ARHGAP32: variants seen among roughly 807,000 people sequenced by gnomAD.
ARHGAP32 encodes the protein rho GTPase-activating protein 32.
ARHGAP32 carries 51 observed loss-of-function variants against 186.5 expected under a neutral mutation model. That is an observed-to-expected ratio of 0.27 (90% CI 0.22 to 0.35). The LOEUF is 0.35. Ranked by LOEUF, ARHGAP32 falls within the 10% of genes least tolerant of loss-of-function variation. The pLI is 1.00. For synonymous variants in ARHGAP32, 950 were observed against 964.3 expected (o/e 0.99, Z 0.27); for missense variants, 2,186 against 2,623.5 (o/e 0.83, Z 3.64).
chr11:129,150,917 G>C (rs905938132), intron 2 of ARHGAP32, among the ~76,000 whole-genome samples: 1 of 147,758 alleles, frequency 6.8e-6, no homozygotes. Context: ...AAAAGACAGA[G>C]AATGGCAGAA....
At chr11:129,212,116 C>T (rs1944588576) in intron 1 of ARHGAP32, among the ~76,000 whole-genome samples, 1 of 152,114 alleles carries the variant, frequency 6.6e-6, no homozygotes, top group Non-Finnish European at 1.5e-5. Context: ...GATCACACCA[C>T]TGCACTCCAG....
chr11:129,257,829 T>C (rs1042772663), intron 1 of ARHGAP32, among the ~76,000 whole-genome samples: 7 of 152,128 alleles, frequency 4.6e-5, no homozygotes, highest in Non-Finnish European at 8.8e-5. Context: ...TTATTTGCTA[T>C]TCATCCAAAT....
chr11:129,130,990 G>A (rs1942794954), intron 2 of ARHGAP32, among the ~76,000 whole-genome samples: 1 of 151,950 alleles, frequency 6.6e-6, no homozygotes, highest in African/African-American at 2.4e-5. Flanking sequence ...TATATGCAAT[G>A]GAATTCTGTG....
At chr11:129,187,049 G>GAGGT (rs139934126) in intron 1 of ARHGAP32, among the ~76,000 whole-genome samples, 2 of 152,292 alleles carry the variant, frequency 1.3e-5, no homozygotes, top group African/African-American at 4.8e-5. Context: ...GTCTACTGAA[G>GAGGT]AGGTATCTGC....
intron 1 of ARHGAP32, 36 bp downstream of exon 1, chr11:129,192,047 T>TG: frequency 6.7e-7 from 1 of 1,482,122 alleles, no homozygotes; most frequent in Non-Finnish European, 9.4e-7. Flanking sequence ...GGGTAGGGAG[T>TG]GGACAGGACA....
chr11:129,108,686 T>C (rs570192651), intron 5 of ARHGAP32, among the ~76,000 whole-genome samples: 2 of 152,338 alleles, frequency 1.3e-5, no homozygotes, highest in South Asian at 2.1e-4. Flanking sequence ...TGAGTTGTAA[T>C]AGTTCTACAT....
rs1328730660 is a variant in ARHGAP32 at position 129,085,959 on chromosome 11, A to C, written c.531+7662T>G. Reference sequence around the variant, plus strand: ...CAGTGAGCTGAGATCATGACACTGCACTCCAGCCTGGGCAACAGAGCAAGA... The same window carrying C: ...CAGTGAGCTGAGATCATGACACTGCCCTCCAGCCTGGGCAACAGAGCAAGA... On this transcript the variant is annotated intron_variant, in intron 6 of 22. Coordinates refer to ENST00000682385, the MANE Select transcript of ARHGAP32 (RefSeq NM_001378024.1). Among the ~76,000 whole-genome samples, 18 of 151,054 alleles carry C rather than the reference A, an allele frequency of 1.2e-4. No homozygotes were observed. The Admixed American group carries it at 1.2e-3, about 10-fold the overall frequency.
At chr11:129,268,761 G>A (rs1945438690) in intron 1 of ARHGAP32, among the ~76,000 whole-genome samples, 1 of 146,620 alleles carries the variant, frequency 6.8e-6, no homozygotes. Flanking sequence ...TGTCTCAATG[G>A]ATTTTTCACC....
At chr11:128,988,749 A>G (rs1945951162) in intron 12 of ARHGAP32, among the ~76,000 whole-genome samples, 2 of 152,206 alleles carry the variant, frequency 1.3e-5, no homozygotes, top group South Asian at 4.1e-4. Flanking sequence ...TGACATTTTG[A>G]CTTTATATTA....
At position 128,968,078 on chromosome 11, in the gene ARHGAP32, A is replaced by G. The variant is rs1041970063; in HGVS notation, c.*829T>C. ...GGCAGGCAATGCATTAAAAGCATCA[A>G]TAGAGATTTCTGGTGCTAATAAAGT... On this transcript the variant is annotated 3_prime_UTR_variant, in exon 23 of 23. Coordinates refer to ENST00000682385, the MANE Select transcript of ARHGAP32 (RefSeq NM_001378024.1). 2 of 152,168 alleles carry G rather than the reference A, an allele frequency of 1.3e-5. No homozygotes were observed. Among genetic ancestry groups the G allele is most frequent in the African/African-American group, 4.8e-5 (2 of 41,524 alleles). 9.4% of individuals were successfully genotyped at this position (152,168 alleles called of 1,614,324 possible).
upstream of ARHGAP32, among the ~76,000 whole-genome samples, chr11:129,194,412 T>C (rs1228229676): frequency 1.3e-5 from 2 of 152,128 alleles, no homozygotes; most frequent in Non-Finnish European, 2.9e-5. Context: ...ACAGTGAGTA[T>C]ATGAGAAAAC....
chr11:129,213,645 A>G (rs1015907639), intron 1 of ARHGAP32, among the ~76,000 whole-genome samples: 1 of 152,174 alleles, frequency 6.6e-6, no homozygotes, highest in Non-Finnish European at 1.5e-5. Flanking sequence ...TAAATAGACA[A>G]AACTGAAAAT....
At chr11:128,999,687 G>T (rs528123712) in intron 11 of ARHGAP32, among the ~76,000 whole-genome samples, 1 of 152,054 alleles carries the variant, frequency 6.6e-6, no homozygotes, top group Non-Finnish European at 1.5e-5. Context: ...TAGACCAGCC[G>T]ACACTTTGGG....
intron 10 of ARHGAP32, among the ~76,000 whole-genome samples, chr11:129,044,346 T>C (rs974074417): frequency 2.0e-5 from 3 of 152,216 alleles, no homozygotes; most frequent in Non-Finnish European, 4.4e-5. Context: ...CGTACATTAT[T>C]CTTTCTGCAG....
At chr11:129,113,781 A>G (rs1942290554) in intron 5 of ARHGAP32, among the ~76,000 whole-genome samples, 1 of 152,136 alleles carries the variant, frequency 6.6e-6, no homozygotes, top group Non-Finnish European at 1.5e-5. Flanking sequence ...TCTCCCTGAA[A>G]TATGGTGCTT....
intron 11 of ARHGAP32, among the ~76,000 whole-genome samples, chr11:129,002,659 G>A (rs1231169783): frequency 6.6e-6 from 1 of 152,070 alleles, no homozygotes; most frequent in South Asian, 2.1e-4. Context: ...GGGCATCCTT[G>A]TCATGTTCCT....
intron 1 of ARHGAP32, among the ~76,000 whole-genome samples, chr11:129,242,904 C>G (rs577740062): frequency 6.6e-6 from 1 of 152,042 alleles, no homozygotes; most frequent in South Asian, 2.1e-4. Flanking sequence ...AGCTCCCAAA[C>G]CACCTCTACT....
chr11:128,972,900 C>T lies in ARHGAP32; in HGVS notation c.3606G>A (p.Gly1202=). Residue 1202 remains glycine (G), a synonymous_variant, in exon 22 of 23, where the codon GGG becomes GGA. Transcript: ENST00000682385. ...AGGAGACAGTTGGCATACTGTTCTT[C>T]CCAGACTGGTCTTCAGGGAAACTTA... ...DHVSFPEDQS[G]KNSMPTVSFL... 3 of 1,614,008 alleles carry T rather than the reference C, an allele frequency of 1.9e-6. No homozygotes were observed. Among genetic ancestry groups the T allele is most frequent in the Middle Eastern group, 1.6e-4 (1 of 6,062 alleles).
intron 2 of ARHGAP32, chr11:129,125,779 C>G (rs1942645431): frequency 2.9e-6 from 1 of 341,612 alleles, no homozygotes; most frequent in African/African-American, 2.2e-5. Flanking sequence ...GTGCTGGGTT[C>G]AATTTTCCTT....
Sources: gnomAD v4.1 joint callset for allele counts (sites outside exome capture counted in the v4.1 genomes callset) on GRCh38, gnomAD v4.1.1 for gene constraint, MANE v1.5 for transcripts, NCBI Gene and HGNC (gene_info 2026-07-23, HGNC 2026-07-21) for gene names.